Variants in LMLN observed in about 807,000 individuals in gnomAD.
The protein encoded by LMLN is leishmanolysin-like peptidase.
In LMLN, 70 loss-of-function variants were observed where a neutral mutation model predicts 92.3. That is an observed-to-expected ratio of 0.76 (90% CI 0.63 to 0.92). LMLN has a LOEUF of 0.92. LMLN is among the 40% of genes least tolerant of loss of function. LMLN has a pLI of 0.00. For synonymous variants in LMLN, 308 were observed against 296.2 expected (o/e 1.04, Z -0.41); for missense variants, 691 against 814.6 (o/e 0.85, Z 1.85).
intron 1 of LMLN, among the ~76,000 whole-genome samples, chr3:197,964,198 T>C (rs945446767): frequency 3.3e-5 from 5 of 152,150 alleles, no homozygotes; most frequent in Non-Finnish European, 7.4e-5. Flanking sequence ...TTCTTTGTTA[T>C]TTCCTTTTTC....
chr3:197,962,605 G>A (rs761253250), intron 1 of LMLN, among the ~76,000 whole-genome samples: 55 of 152,086 alleles, frequency 3.6e-4, no homozygotes, highest in Non-Finnish European at 6.6e-4. Flanking sequence ...TATTAGTTAT[G>A]GTTGCTGCAT....
At chr3:197,995,644 CT>C (rs569819245) in intron 9 of LMLN, among the ~76,000 whole-genome samples, 1 of 150,136 alleles carries the variant, frequency 6.7e-6, no homozygotes, top group Non-Finnish European at 1.5e-5. Context: ...CTTTTTTTTT[CT>C]TTTTTTTTGA....
chr3:198,024,273 T>C (rs1007911819), intron 13 of LMLN, among the ~76,000 whole-genome samples: 3 of 149,928 alleles, frequency 2.0e-5, no homozygotes, highest in African/African-American at 7.4e-5. Flanking sequence ...TGGAGTGCAG[T>C]GGTACAATCT....
intron 1 of LMLN, among the ~76,000 whole-genome samples, chr3:197,973,131 T>C (rs926987538): frequency 1.3e-5 from 2 of 152,224 alleles, no homozygotes; most frequent in Non-Finnish European, 2.9e-5. Context: ...CCCAAAATAC[T>C]GTCAGACAGT....
Position 198,042,471 on chromosome 3 carries a change from G to T in LMLN, c.*3804G>T, listed in dbSNP as rs1723434030. The T allele has an allele frequency of 6.6e-6, 1 of 152,210 alleles. No individual in the cohort carries two copies. Among genetic ancestry groups the T allele is most frequent in the Non-Finnish European group, 1.5e-5 (1 of 68,044 alleles). The allele number at this position is 152,210 out of a possible 1,614,324, so 9.4% of individuals were successfully genotyped here. A position where few individuals can be genotyped will look rare whatever the true frequency, so the allele number is the denominator to read the frequency against. On this transcript the variant is annotated 3_prime_UTR_variant, in exon 16 of 16. Transcript: ENST00000330198. The surrounding 1 kb of genome is among the most constrained non-coding windows in gnomAD (Gnocchi z 4.2). ...TATTGGTATAAAATTCAGCTGCAAA[G>T]TGAAGAAATTGAAATGGCCCACACG...
rs1722779943 is a variant in LMLN at position 198,021,438 on chromosome 3, T to C, written c.1366-8T>C. 3 of 1,611,310 alleles carry C rather than the reference T, an allele frequency of 1.9e-6. No individual in the cohort carries two copies. The highest frequency in any genetic ancestry group is 2.5e-6 in the Non-Finnish European group (3 of 1,179,076). ...TACTTTCTTGTCTTCCCAATATTTT[T>C]TCTGCAGTACTTTGATGAACTCAGT... is the stretch of plus-strand genomic sequence containing the variant. On this transcript the variant is annotated splice_polypyrimidine_tract_variant and splice_region_variant and intron_variant, in intron 12 of 15. Transcript: ENST00000330198.
chr3:198,040,067 G>T (rs1283286768), exon 16 of LMLN: 1 of 152,186 alleles, frequency 6.6e-6, no homozygotes, highest in Admixed American at 6.5e-5. Context: ...AGAAATTCTG[G>T]TAAAGACGGG....
chr3:198,011,629 G>T (rs1722443837), intron 11 of LMLN, among the ~76,000 whole-genome samples: 3 of 150,688 alleles, frequency 2.0e-5, no homozygotes, highest in African/African-American at 4.9e-5. Flanking sequence ...AGTCCTTTGG[G>T]TATATACCCA....
chr3:198,034,333 G>T (rs1240359487), intron 14 of LMLN, among the ~76,000 whole-genome samples: 1 of 152,134 alleles, frequency 6.6e-6, no homozygotes, highest in Admixed American at 6.6e-5. Flanking sequence ...TTTTTGGCTG[G>T]GTGCGGTGGC....
intron 13 of LMLN, among the ~76,000 whole-genome samples, chr3:198,022,847 A>G (rs1722818778): frequency 1.3e-5 from 2 of 152,238 alleles, no homozygotes; most frequent in Non-Finnish European, 2.9e-5. Flanking sequence ...CAACACAGTG[A>G]GACCCCATGT....
In LMLN at chr3:197,976,682, C is replaced by T. The variant is rs201876911; in HGVS notation, c.516C>T (p.Cys172=). ...GGGAGTGTGCCGCACACACAAAGTGCGGCCCCGTTATTGTTCCTGAGGAAC... is the reference window on the plus strand; with the variant it reads ...GGGAGTGTGCCGCACACACAAAGTGTGGCCCCGTTATTGTTCCTGAGGAAC... Residue 172 remains cysteine (C), a synonymous_variant, in exon 5 of 16, where the codon TGC becomes TGT. Transcript: ENST00000330198. 97 of 1,570,312 alleles carry T rather than the reference C, an allele frequency of 6.2e-5. 2 individuals carry two copies. In the East Asian group the frequency reaches 2.0e-3, roughly 33 times the overall value.
chr3:197,974,983 G>T lies in LMLN; in HGVS notation c.318-59G>T. Reference sequence around the variant, plus strand: ...TTGCCCATTTTTATGGTTATTTCTTGATTACATGTGCTATGCCTCTGAGAG... The same window carrying T: ...TTGCCCATTTTTATGGTTATTTCTTTATTACATGTGCTATGCCTCTGAGAG... On this transcript the variant is annotated intron_variant, in intron 2 of 15. Transcript: ENST00000330198. 3.5e-6 allele frequency: 4 copies of T among 1,128,662 alleles called. No individual in the cohort carries two copies. In the South Asian group the frequency reaches 3.9e-5, roughly 11 times the overall value. The allele number at this position is 1,128,662 out of a possible 1,614,324, so 69.9% of individuals were successfully genotyped here.
chr3:198,016,522 G>A (rs1722646546), intron 11 of LMLN, among the ~76,000 whole-genome samples: 1 of 152,228 alleles, frequency 6.6e-6, no homozygotes, highest in Non-Finnish European at 1.5e-5. Flanking sequence ...CTAGCATTGT[G>A]TGAGTTTGTT....
intron 13 of LMLN, among the ~76,000 whole-genome samples, chr3:198,023,907 T>TGGC (rs1722849186): frequency 6.6e-6 from 1 of 152,194 alleles, no homozygotes; most frequent in Admixed American, 6.5e-5. Context: ...TTCCAGGAGG[T>TGGC]GGCACAAGTT....
At chr3:198,038,764 A>G (rs1308706974) in exon 16 of LMLN, 14 of 910,712 alleles carry the variant, frequency 1.5e-5, no homozygotes, top group Admixed American at 3.7e-5. Context: ...AGATGGTAGA[A>G]GTGGCATTCC....
At chr3:197,985,081 T>A (rs1721665482) in intron 7 of LMLN, among the ~76,000 whole-genome samples, 1 of 152,206 alleles carries the variant, frequency 6.6e-6, no homozygotes, top group Non-Finnish European at 1.5e-5. Context: ...GTCAGCTAAA[T>A]ATTTTTTTAC....
chr3:197,972,583 T>TC (rs1435550701), intron 1 of LMLN, among the ~76,000 whole-genome samples: 2 of 152,160 alleles, frequency 1.3e-5, no homozygotes, highest in Admixed American at 1.3e-4. Flanking sequence ...CCCTGCTTTT[T>TC]CCCCCATTGT....
chr3:197,973,277 T>C (rs1721280784), intron 1 of LMLN, among the ~76,000 whole-genome samples: 1 of 151,702 alleles, frequency 6.6e-6, no homozygotes, highest in African/African-American at 2.4e-5. Context: ...AGTCTTGCTC[T>C]GTTGCCCAGG....
intron 11 of LMLN, among the ~76,000 whole-genome samples, chr3:198,010,736 C>A (rs891887282): frequency 1.1e-4 from 16 of 152,284 alleles, no homozygotes; most frequent in African/African-American, 3.9e-4. Flanking sequence ...TAGTCGTGAG[C>A]CACTGTGCCT....
Sources: gnomAD v4.1 joint callset for allele counts (sites outside exome capture counted in the v4.1 genomes callset) on GRCh38, gnomAD v4.1.1 for gene constraint, Gnocchi (gnomAD v3.1) non-coding constraint, MANE v1.5 for transcripts, NCBI Gene and HGNC (gene_info 2026-07-23, HGNC 2026-07-21) for gene names.